GALNT14: variants seen among roughly 807,000 people sequenced by gnomAD.
GALNT14 encodes the protein UDP-GalNAc:polypeptide N-acetylgalactosaminyltransferase 14.
A neutral mutation model predicts 77.5 loss-of-function variants in GALNT14; 60 were observed. That is an observed-to-expected ratio of 0.77 (90% CI 0.63 to 0.96). GALNT14 has a LOEUF of 0.96. GALNT14 is among the 40% of genes least tolerant of loss of function. The probability of loss-of-function intolerance (pLI) is 0.00; values close to 1 mark genes in which losing one functional copy is unlikely to be tolerated. For missense variants in GALNT14, 710 were observed against 731.0 expected (o/e 0.97, Z 0.33); for synonymous variants, 280 against 281.7 (o/e 0.99, Z 0.06).
chr2:31,088,709 C>T (rs1018006998), intron 1 of GALNT14, among the ~76,000 whole-genome samples: 9 of 152,182 alleles, frequency 5.9e-5, no homozygotes, highest in African/African-American at 2.2e-4. Context: ...AATATGCAGT[C>T]GGGTGGGGTT....
intron 2 of GALNT14, among the ~76,000 whole-genome samples, chr2:30,970,177 T>C (rs1668261746): frequency 6.6e-6 from 1 of 152,098 alleles, no homozygotes; most frequent in Non-Finnish European, 1.5e-5. Flanking sequence ...GAAAGGCATC[T>C]TTGCTGGGGG....
At chr2:31,032,797 A>G (rs1184672569) in intron 1 of GALNT14, among the ~76,000 whole-genome samples, 2 of 152,152 alleles carry the variant, frequency 1.3e-5, no homozygotes, top group African/African-American at 4.8e-5. Context: ...AGAAGATGTG[A>G]TGTGCACACA....
At chr2:31,132,250 A>C (rs1488061701) in intron 1 of GALNT14, among the ~76,000 whole-genome samples, 1 of 152,198 alleles carries the variant, frequency 6.6e-6, no homozygotes, top group East Asian at 1.9e-4. Context: ...ACCCACGGTG[A>C]ATTTCTCACC....
intron 9 of GALNT14, among the ~76,000 whole-genome samples, chr2:30,933,705 A>T (rs1665884897): frequency 1.3e-5 from 2 of 152,188 alleles, no homozygotes; most frequent in Admixed American, 1.3e-4. Context: ...TGGCAATAAC[A>T]TGGGGGAAAG....
the GALNT14 span, among the ~76,000 whole-genome samples, chr2:30,896,296 G>A: frequency 6.6e-6 from 1 of 152,128 alleles, no homozygotes; most frequent in African/African-American, 2.4e-5. Flanking sequence ...TTCCACAAGG[G>A]ACTTCAACTG....
intron 1 of GALNT14, among the ~76,000 whole-genome samples, chr2:31,045,274 G>A (rs1450578453): frequency 5.3e-5 from 8 of 152,168 alleles, no homozygotes; most frequent in South Asian, 2.1e-4. Flanking sequence ...TTTAACAACT[G>A]TGGTGCCAAG....
chr2:31,026,044 G>A (rs544608908), intron 1 of GALNT14, among the ~76,000 whole-genome samples: 29 of 152,280 alleles, frequency 1.9e-4, no homozygotes, highest in African/African-American at 6.5e-4. Context: ...TAGCACACTG[G>A]TGTTTGACCA....
At chr2:31,046,489 A>C (rs1421473561) in intron 1 of GALNT14, among the ~76,000 whole-genome samples, 1 of 152,140 alleles carries the variant, frequency 6.6e-6, no homozygotes, top group Non-Finnish European at 1.5e-5. Context: ...CGGCATCCCT[A>C]AGTGCTGGGA....
At position 31,138,341 on chromosome 2, in the gene GALNT14, A is replaced by G. The variant is rs1679323493; in HGVS notation, c.-255T>C. On this transcript the variant is annotated 5_prime_UTR_variant, in exon 1 of 15. Coordinates refer to ENST00000349752, the MANE Select transcript of GALNT14 (RefSeq NM_024572.4). ...GGCAGCCAAGCTGGACGCCCGCTCC[A>G]GCGGGAGAAGCGCGGTGGCTGCCGA... is the stretch of plus-strand genomic sequence containing the variant. The G allele has an allele frequency of 2.2e-6, 1 of 459,840 alleles. No individual in the cohort carries two copies. The highest frequency in any genetic ancestry group is 3.8e-6 in the Non-Finnish European group (1 of 260,910). 28.5% of individuals were successfully genotyped at this position (459,840 alleles called of 1,614,324 possible).
At chr2:31,057,554 G>A (rs1674313159) in intron 1 of GALNT14, among the ~76,000 whole-genome samples, 1 of 151,572 alleles carries the variant, frequency 6.6e-6, no homozygotes, top group South Asian at 2.1e-4. Context: ...CACATGAAAG[G>A]CAACAGCCCT....
chr2:30,984,315 T>C lies in GALNT14; in HGVS notation c.299+8523A>G, dbSNP rs373356330. ...TCAGCCTGCACTTTGTTTGGGACAGTTGTCCAGCCTTGGGGCAGGGGCACC... is the reference window on the plus strand; with the variant it reads ...TCAGCCTGCACTTTGTTTGGGACAGCTGTCCAGCCTTGGGGCAGGGGCACC... On this transcript the variant is annotated intron_variant, in intron 2 of 14. Coordinates refer to ENST00000349752, the MANE Select transcript of GALNT14 (RefSeq NM_024572.4). 6.6e-5 allele frequency among the ~76,000 whole-genome samples: 10 copies of C among 152,354 alleles called. No individual in the cohort carries two copies. In the East Asian group the frequency reaches 1.9e-3, roughly 29 times the overall value.
chr2:31,002,249 G>A (rs563312453), intron 1 of GALNT14, among the ~76,000 whole-genome samples: 67 of 152,196 alleles, frequency 4.4e-4, no homozygotes, highest in Admixed American at 1.1e-3. Context: ...GGCCAACATG[G>A]TGAAACCCCA....
chr2:30,970,334 G>A (rs1449039661), intron 2 of GALNT14, among the ~76,000 whole-genome samples: 1 of 152,172 alleles, frequency 6.6e-6, no homozygotes, highest in Non-Finnish European at 1.5e-5. Flanking sequence ...CCAGCTGTGT[G>A]CCCTTGGACA....
At chr2:31,073,511 C>T (rs1052695614) in intron 1 of GALNT14, among the ~76,000 whole-genome samples, 8 of 151,834 alleles carry the variant, frequency 5.3e-5, no homozygotes, top group South Asian at 2.1e-4. Flanking sequence ...ATTTGGGGAA[C>T]GATGCAAGAG....
chr2:31,044,724 C>A (rs1345403926), intron 1 of GALNT14, among the ~76,000 whole-genome samples: 3 of 150,718 alleles, frequency 2.0e-5, no homozygotes, highest in East Asian at 2.0e-4. Flanking sequence ...TCAGAACCAG[C>A]CTGGGCAACA....
intron 2 of GALNT14, among the ~76,000 whole-genome samples, chr2:30,977,371 G>A (rs576755699): frequency 2.6e-5 from 4 of 152,292 alleles, no homozygotes; most frequent in Admixed American, 1.3e-4. Context: ...GGTTACAGGC[G>A]TGAGCCACCA....
At chr2:30,926,483 T>C (rs1295380171) in intron 11 of GALNT14, among the ~76,000 whole-genome samples, 7 of 152,148 alleles carry the variant, frequency 4.6e-5, no homozygotes, top group Admixed American at 3.9e-4. Context: ...AGTTGATAAT[T>C]GGATAGAAGG....
At position 30,992,781 on chromosome 2, in the gene GALNT14, C is replaced by G. The variant is rs1669784512; in HGVS notation, c.299+57G>C. ...TGCATACAGCAGGCCCCAGATCAAG[C>G]CTGCTGTTGATCTCTTTTGACTGCG... On this transcript the variant is annotated intron_variant, in intron 2 of 14. Transcript: ENST00000349752. The G allele has an allele frequency of 7.0e-6, 11 of 1,575,980 alleles. No homozygotes were observed. In the South Asian group the frequency reaches 8.1e-5, roughly 12 times the overall value.
intron 1 of GALNT14, among the ~76,000 whole-genome samples, chr2:31,109,040 G>A (rs1558574608): frequency 1.3e-5 from 2 of 152,184 alleles, no homozygotes; most frequent in Non-Finnish European, 2.9e-5. Flanking sequence ...CAACAAGTGA[G>A]GATTCTGGTT....
Sources: gnomAD v4.1 joint callset for allele counts (sites outside exome capture counted in the v4.1 genomes callset) on GRCh38, gnomAD v4.1.1 for gene constraint, MANE v1.5 for transcripts, NCBI Gene and HGNC (gene_info 2026-07-23, HGNC 2026-07-21) for gene names.